Variants in WWC1 observed in about 807,000 individuals in gnomAD.
The protein encoded by WWC1 is WW and C2 domain containing 1.
In WWC1, 55 loss-of-function variants were observed where a neutral mutation model predicts 138.4. The observed-to-expected ratio is 0.40, with a 90% CI of 0.32 to 0.50. WWC1 has a LOEUF of 0.50. WWC1 is among the 20% of genes least tolerant of loss of function. The pLI, the probability that WWC1 is intolerant of heterozygous loss-of-function variation, is 0.72. For missense variants in WWC1, 1,226 were observed against 1,420.4 expected (o/e 0.86, Z 2.20); for synonymous variants, 524 against 564.9 (o/e 0.93, Z 1.03).
chr5:168,322,931 A>G (rs1270319274), intron 1 of WWC1, among the ~76,000 whole-genome samples: 1 of 152,110 alleles, frequency 6.6e-6, no homozygotes, highest in Non-Finnish European at 1.5e-5. Context: ...AAAGAAAGAA[A>G]ACAAAGTTCA....
At chr5:168,383,545 G>A (rs372253172) in intron 2 of WWC1, among the ~76,000 whole-genome samples, 1 of 152,128 alleles carries the variant, frequency 6.6e-6, no homozygotes, top group East Asian at 1.9e-4. Context: ...GTGTTCCCCG[G>A]GCTAGGCATA....
chr5:168,448,615 GAT>G (rs1491424088), intron 17 of WWC1, among the ~76,000 whole-genome samples: 2 of 116,920 alleles, frequency 1.7e-5, no homozygotes, highest in African/African-American at 7.9e-5. Context: ...TCTCAAATAA[GAT>G]TTTTTTTTTT....
intron 1 of WWC1, among the ~76,000 whole-genome samples, chr5:168,313,896 A>G (rs1315587210): frequency 6.6e-6 from 1 of 152,186 alleles, no homozygotes; most frequent in Non-Finnish European, 1.5e-5. Context: ...GTGAAATAAG[A>G]GATTGAAGCC....
chr5:168,455,879 A>G (rs1427504795), intron 19 of WWC1, among the ~76,000 whole-genome samples: 1 of 151,946 alleles, frequency 6.6e-6, no homozygotes, highest in Admixed American at 6.6e-5. Context: ...GGGCAATTCT[A>G]GTGTACAGCC....
At chr5:168,408,703 G>T in intron 7 of WWC1, 50 bp downstream of exon 7, 1 of 1,605,186 alleles carries the variant, frequency 6.2e-7, no homozygotes, top group South Asian at 1.1e-5. Flanking sequence ...ATGGCAGCTG[G>T]GAGGCTGCTG....
chr5:168,468,864 G>C, intron 22 of WWC1, 87 bp from the exon 23 acceptor site: 9 of 1,423,134 alleles, frequency 6.3e-6, no homozygotes, highest in Non-Finnish European at 8.9e-6. Context: ...GTATAGGACA[G>C]CTCCCACGAC....
intron 19 of WWC1, among the ~76,000 whole-genome samples, chr5:168,455,882 G>A (rs141987366): frequency 3.3e-5 from 5 of 152,142 alleles, no homozygotes; most frequent in East Asian, 1.9e-4. Flanking sequence ...CAATTCTAGT[G>A]TACAGCCTGA....
chr5:168,349,764 G>A (rs1464425960), intron 1 of WWC1, among the ~76,000 whole-genome samples: 2 of 152,086 alleles, frequency 1.3e-5, no homozygotes, highest in African/African-American at 2.4e-5. Context: ...TGGCTGCCGT[G>A]GGCCACTGGG....
intron 1 of WWC1, among the ~76,000 whole-genome samples, chr5:168,351,344 G>T (rs1043102895): frequency 6.6e-6 from 1 of 152,166 alleles, no homozygotes; most frequent in African/African-American, 2.4e-5. Flanking sequence ...TTCCCTGAGA[G>T]ATCCAATGTT....
intron 5 of WWC1, among the ~76,000 whole-genome samples, chr5:168,405,703 CTT>C (rs756275419): frequency 1.4e-5 from 2 of 141,726 alleles, no homozygotes. Flanking sequence ...CTTTCTATGC[CTT>C]TTTTTTTTTT....
chr5:168,438,973 C>T (rs562307872), intron 15 of WWC1, among the ~76,000 whole-genome samples: 14 of 152,222 alleles, frequency 9.2e-5, no homozygotes, highest in African/African-American at 3.4e-4. Context: ...TTCCCCACCC[C>T]AGCCTCACCA....
At chr5:168,382,207 A>G (rs1043772496) in intron 2 of WWC1, among the ~76,000 whole-genome samples, 1 of 152,232 alleles carries the variant, frequency 6.6e-6, no homozygotes, top group Non-Finnish European at 1.5e-5. Flanking sequence ...TGAGCATGCT[A>G]TATCATTTGG....
At chr5:168,413,443 T>C (rs1780370967) in intron 8 of WWC1, among the ~76,000 whole-genome samples, 1 of 152,194 alleles carries the variant, frequency 6.6e-6, no homozygotes, top group African/African-American at 2.4e-5. Context: ...TGCTGTGTTC[T>C]CACATAACCC....
chr5:168,469,182 A>G lies in WWC1; in HGVS notation c.*165A>G, dbSNP rs1757558070. ...TTTTAGTTTGGGTCCTACTGTTGTT[A>G]TTAAAAACAGAACAAAAACAAAACA... On this transcript the variant is annotated 3_prime_UTR_variant, in exon 23 of 23. Transcript: ENST00000265293. 1 of 668,392 alleles carries G rather than the reference A, an allele frequency of 1.5e-6. No individual in the cohort carries two copies. The highest frequency in any genetic ancestry group is 2.5e-6 in the Non-Finnish European group (1 of 400,664). The allele number at this position is 668,392 out of a possible 1,614,324, so 41.4% of individuals were successfully genotyped here. A position where few individuals can be genotyped will look rare whatever the true frequency, so the allele number is the denominator to read the frequency against.
intron 1 of WWC1, among the ~76,000 whole-genome samples, chr5:168,305,629 T>C (rs2152744329): frequency 6.6e-6 from 1 of 152,292 alleles, no homozygotes; most frequent in Admixed American, 6.5e-5. Context: ...GAGCCCTGGT[T>C]TCCTTAGCTC....
chr5:168,449,050 A>G (rs752509632), intron 17 of WWC1, among the ~76,000 whole-genome samples: 14 of 152,312 alleles, frequency 9.2e-5, no homozygotes, highest in East Asian at 1.9e-4. Flanking sequence ...ATTTTAACAG[A>G]TAAGGCTAAA....
Position 168,291,971 on chromosome 5 carries a change from C to T in WWC1, c.-182C>T. 1 of 545,960 alleles carries T rather than the reference C, an allele frequency of 1.8e-6. No individual in the cohort carries two copies. The highest frequency in any genetic ancestry group is 2.7e-6 in the Non-Finnish European group (1 of 364,044). The allele number at this position is 545,960 out of a possible 1,614,324, so 33.8% of individuals were successfully genotyped here. A position where few individuals can be genotyped will look rare whatever the true frequency, so the allele number is the denominator to read the frequency against. Reference sequence around the variant, plus strand: ...AGCGGGCGGCGCCGGGTCGGGGCTGCAGGGCCGCATGGACAGCGGCGCCAC... The same window carrying T: ...AGCGGGCGGCGCCGGGTCGGGGCTGTAGGGCCGCATGGACAGCGGCGCCAC... On this transcript the variant is annotated 5_prime_UTR_variant, in exon 1 of 23. Transcript: ENST00000265293.
chr5:168,391,757 A>C (rs1778520135), intron 3 of WWC1, among the ~76,000 whole-genome samples: 1 of 100,122 alleles, frequency 1.0e-5, no homozygotes, highest in South Asian at 3.5e-4. Flanking sequence ...TATATTTTTA[A>C]GGCATATATA....
chr5:168,346,987 G>A (rs1774529117), intron 1 of WWC1, among the ~76,000 whole-genome samples: 1 of 152,140 alleles, frequency 6.6e-6, no homozygotes, highest in Admixed American at 6.5e-5. Flanking sequence ...AGCAGGGGAG[G>A]AAATACACCT....
Sources: allele counts gnomAD v4.1 joint callset (sites outside exome capture counted in the v4.1 genomes callset), GRCh38; gene constraint gnomAD v4.1.1; transcripts MANE v1.5; gene names NCBI Gene and HGNC (gene_info 2026-07-23, HGNC 2026-07-21).